NLGN1: variants seen among roughly 807,000 people sequenced by gnomAD.
NLGN1 encodes the protein neuroligin-1.
NLGN1 carries 12 observed loss-of-function variants against 65.5 expected under a neutral mutation model. The observed-to-expected ratio is 0.18, with a 90% confidence interval of 0.12 to 0.30. The LOEUF (loss-of-function observed/expected upper bound fraction) is 0.30. Ranked by LOEUF, NLGN1 falls within the 10% of genes least tolerant of loss-of-function variation. The probability of loss-of-function intolerance (pLI) is 1.00; values close to 1 mark genes in which losing one functional copy is unlikely to be tolerated. For missense variants in NLGN1, 750 were observed against 1,007.1 expected (o/e 0.74, Z 3.46); for synonymous variants, 350 against 359.5 (o/e 0.97, Z 0.30).
At chr3:174,026,789 T>A (rs1470277554) in intron 4 of NLGN1, among the ~76,000 whole-genome samples, 1 of 152,172 alleles carries the variant, frequency 6.6e-6, no homozygotes, top group Non-Finnish European at 1.5e-5. Context: ...CAAAACCACT[T>A]CTATTACACA....
chr3:173,570,094 T>A (rs1391191904), intron 2 of NLGN1, among the ~76,000 whole-genome samples: 1 of 151,654 alleles, frequency 6.6e-6, no homozygotes, highest in Non-Finnish European at 1.5e-5. Flanking sequence ...ATCTTGGGAG[T>A]GGGGGCCAGA....
chr3:173,593,439 G>A (rs542843043), intron 2 of NLGN1, among the ~76,000 whole-genome samples: 43 of 152,278 alleles, frequency 2.8e-4, no homozygotes, highest in African/African-American at 8.7e-4. Flanking sequence ...ATATAGGAAT[G>A]AAGATGGAAA....
intron 3 of NLGN1, among the ~76,000 whole-genome samples, chr3:173,692,844 T>C (rs1424840841): frequency 2.6e-5 from 4 of 152,070 alleles, no homozygotes; most frequent in Admixed American, 6.6e-5. Context: ...GTTAAATGCA[T>C]TGGAAAGAAC....
At chr3:173,604,912 C>T in exon 3 of NLGN1, 2 of 1,613,706 alleles carry the variant, frequency 1.2e-6, no homozygotes, top group Non-Finnish European at 1.7e-6. Flanking sequence ...TCTCCCTGGT[C>T]AGATATCAGA....
chr3:173,773,015 A>G (rs946490503), intron 3 of NLGN1, among the ~76,000 whole-genome samples: 5 of 152,142 alleles, frequency 3.3e-5, no homozygotes, highest in Non-Finnish European at 7.3e-5. Context: ...CAACATTCCT[A>G]CTATGAATTC....
chr3:173,900,445 C>G (rs1560588741), intron 4 of NLGN1, among the ~76,000 whole-genome samples: 1 of 152,008 alleles, frequency 6.6e-6, no homozygotes, highest in African/African-American at 2.4e-5. Flanking sequence ...CAGATGAAGA[C>G]TGGCCAAACG....
At chr3:173,554,050 TAGC>T (rs1438684026) in intron 2 of NLGN1, among the ~76,000 whole-genome samples, 1 of 152,204 alleles carries the variant, frequency 6.6e-6, no homozygotes, top group Non-Finnish European at 1.5e-5. Flanking sequence ...ATCTTTGTAA[TAGC>T]AGTTGATTCA....
intron 3 of NLGN1, among the ~76,000 whole-genome samples, chr3:173,638,995 A>C (rs1320702203): frequency 6.6e-6 from 1 of 152,198 alleles, no homozygotes; most frequent in Non-Finnish European, 1.5e-5. Flanking sequence ...CTGCCTTTGT[A>C]TTATGTCTGG....
intron 2 of NLGN1, among the ~76,000 whole-genome samples, chr3:173,494,079 T>C (rs894685300): frequency 2.6e-5 from 4 of 151,380 alleles, no homozygotes; most frequent in African/African-American, 7.3e-5. Flanking sequence ...GCCCTGTTTT[T>C]CCCATTCCTT....
chr3:173,401,326 A>G (rs1405051840), intron 1 of NLGN1, among the ~76,000 whole-genome samples: 2 of 151,604 alleles, frequency 1.3e-5, no homozygotes, highest in Non-Finnish European at 2.9e-5. Context: ...CTCTGAGATC[A>G]GAAGGAAGGA....
intron 2 of NLGN1, among the ~76,000 whole-genome samples, chr3:173,519,309 T>G: frequency 6.6e-6 from 1 of 150,666 alleles, no homozygotes; most frequent in African/African-American, 2.4e-5. Flanking sequence ...CCACAGAGAG[T>G]CCCCATTGGG....
At chr3:174,039,341 G>A (rs1731792208) in intron 4 of NLGN1, among the ~76,000 whole-genome samples, 1 of 151,948 alleles carries the variant, frequency 6.6e-6, no homozygotes, top group South Asian at 2.1e-4. Flanking sequence ...GTGTCATGGT[G>A]GTTTGCTGCA....
At chr3:173,807,375 C>T (rs1018267968) in intron 3 of NLGN1, among the ~76,000 whole-genome samples, 1 of 152,002 alleles carries the variant, frequency 6.6e-6, no homozygotes, top group Non-Finnish European at 1.5e-5. Context: ...GTTTCTTTTG[C>T]GTTTACTGTC....
intron 3 of NLGN1, among the ~76,000 whole-genome samples, chr3:173,700,427 T>C (rs1432836732): frequency 6.6e-6 from 1 of 152,244 alleles, no homozygotes; most frequent in African/African-American, 2.4e-5. Context: ...ATTACTGTAA[T>C]GTACTTTGTA....
At chr3:173,928,643 G>A (rs1039773013) in intron 4 of NLGN1, among the ~76,000 whole-genome samples, 6 of 150,654 alleles carry the variant, frequency 4.0e-5, no homozygotes, top group African/African-American at 1.2e-4. Flanking sequence ...ATATTTAGAG[G>A]TATGCTCACA....
intron 4 of NLGN1, among the ~76,000 whole-genome samples, chr3:173,977,750 A>G (rs1322118301): frequency 1.3e-5 from 2 of 152,076 alleles, no homozygotes; most frequent in South Asian, 2.1e-4. Flanking sequence ...AAGATACCCA[A>G]GATGAGATGT....
intron 4 of NLGN1, among the ~76,000 whole-genome samples, chr3:174,032,917 G>T (rs1300672180): frequency 6.6e-6 from 1 of 151,934 alleles, no homozygotes; most frequent in Non-Finnish European, 1.5e-5. Context: ...AATAGATTTG[G>T]AATGCTGCAG....
chr3:173,468,420 G>A (rs1015335448), intron 2 of NLGN1, among the ~76,000 whole-genome samples: 3 of 151,978 alleles, frequency 2.0e-5, no homozygotes, highest in Non-Finnish European at 4.4e-5. Context: ...AAGTAGTTAA[G>A]CTTAGAAACT....
intron 4 of NLGN1, among the ~76,000 whole-genome samples, chr3:174,098,456 T>A (rs77690677): frequency 0.013 from 2,021 of 152,284 alleles, 38 homozygotes; most frequent in African/African-American, 0.043. Flanking sequence ...GGAGGGTCAG[T>A]GGGAAACATT....
Sources: gnomAD v4.1 joint callset for allele counts (sites outside exome capture counted in the v4.1 genomes callset) on GRCh38, gnomAD v4.1.1 for gene constraint, MANE v1.5 for transcripts, NCBI Gene and HGNC (gene_info 2026-07-23, HGNC 2026-07-21) for gene names.